Variants in PTBP3 observed in about 807,000 individuals in gnomAD.
The protein encoded by PTBP3 is polypyrimidine tract-binding protein 3.
PTBP3 carries 20 observed loss-of-function variants against 58.7 expected under a neutral mutation model. The observed-to-expected ratio is 0.34, with a 90% CI of 0.24 to 0.50. The LOEUF is 0.50. Ranked by LOEUF, PTBP3 falls within the 20% of genes least tolerant of loss-of-function variation. PTBP3 has a pLI of 0.98. For synonymous variants in PTBP3, 185 were observed against 219.8 expected, an observed-to-expected ratio of 0.84 and a Z score of 1.40; for missense variants, 509 against 637.2, an observed-to-expected ratio of 0.80 and a Z score of 2.17.
At chr9:112,281,250 C>T (rs186514322) in intron 2 of PTBP3, 158 of 207,134 alleles carry the variant, frequency 7.6e-4, no homozygotes, top group African/African-American at 3.4e-3. Context: ...CTGAATCTCT[C>T]CATTCTTTCC....
intron 1 of PTBP3, among the ~76,000 whole-genome samples, chr9:112,321,948 A>C (rs113779149): frequency 6.6e-6 from 1 of 152,088 alleles, no homozygotes; most frequent in South Asian, 2.1e-4. Flanking sequence ...ATCCTGGCCA[A>C]CATGGTGAAA....
chr9:112,375,361 A>G, the PTBP3 span, among the ~76,000 whole-genome samples: 1 of 152,204 alleles, frequency 6.6e-6, no homozygotes, highest in Admixed American at 6.5e-5. Flanking sequence ...TTCCATGCAA[A>G]GTGCACATCC....
chr9:112,235,523 T>C (rs1476732978), intron 7 of PTBP3, among the ~76,000 whole-genome samples: 4 of 152,164 alleles, frequency 2.6e-5, no homozygotes, highest in Non-Finnish European at 5.9e-5. Flanking sequence ...GTTGACTGTA[T>C]ATCATCAACA....
At chr9:112,238,356 G>A (rs1017281369) in intron 7 of PTBP3, among the ~76,000 whole-genome samples, 1 of 152,124 alleles carries the variant, frequency 6.6e-6, no homozygotes, top group African/African-American at 2.4e-5. Context: ...GCTGAAGAGC[G>A]TCATCAGTGA....
intron 7 of PTBP3, among the ~76,000 whole-genome samples, chr9:112,235,660 C>G (rs1480104072): frequency 6.6e-6 from 1 of 152,098 alleles, no homozygotes; most frequent in Non-Finnish European, 1.5e-5. Context: ...AATAAGGGCA[C>G]AAACTCAGAT....
At chr9:112,367,962 G>T in the PTBP3 span, among the ~76,000 whole-genome samples, 1 of 152,096 alleles carries the variant, frequency 6.6e-6, no homozygotes, top group Admixed American at 6.6e-5. Context: ...CATGATTCCT[G>T]TAGGCTTTCT....
chr9:112,244,550 G>A (rs546342018), intron 7 of PTBP3, among the ~76,000 whole-genome samples: 1 of 151,938 alleles, frequency 6.6e-6, no homozygotes, highest in South Asian at 2.1e-4. Context: ...ATGGTGATGT[G>A]TGCCTGTGGT....
chr9:112,255,478 A>T (rs779779410), intron 5 of PTBP3, among the ~76,000 whole-genome samples: 1 of 152,204 alleles, frequency 6.6e-6, no homozygotes, highest in Non-Finnish European at 1.5e-5. Flanking sequence ...GAGTAACGTT[A>T]GACTTTAAAA....
the PTBP3 span, among the ~76,000 whole-genome samples, chr9:112,352,376 C>T: frequency 3.4e-4 from 52 of 152,244 alleles, no homozygotes; most frequent in African/African-American, 1.2e-3. Flanking sequence ...TCTTCTAGTG[C>T]TTATTTACTC....
chr9:112,321,650 G>A (rs1051480325), intron 1 of PTBP3, among the ~76,000 whole-genome samples: 1 of 152,112 alleles, frequency 6.6e-6, no homozygotes, highest in Non-Finnish European at 1.5e-5. Context: ...GAAGACTGCC[G>A]AATCCAGAGT....
intron 7 of PTBP3, among the ~76,000 whole-genome samples, chr9:112,236,153 T>C (rs1835430072): frequency 6.6e-6 from 1 of 151,882 alleles, no homozygotes; most frequent in South Asian, 2.1e-4. Flanking sequence ...AAAAGAATTA[T>C]TTAATATAAT....
At chr9:112,327,812 A>AC (rs1830220177) in intron 1 of PTBP3, among the ~76,000 whole-genome samples, 1 of 151,590 alleles carries the variant, frequency 6.6e-6, no homozygotes, top group Non-Finnish European at 1.5e-5. Flanking sequence ...AAAAAAAAAA[A>AC]CACTAGCAAA....
Position 112,263,086 on chromosome 9 carries a change from G to A in PTBP3, c.352-487C>T, listed in dbSNP as rs189543687. ...ATAAAATATTTTTGTTTTGGGGCAG[G>A]GGGAGGGAGCGTTGATCAGAATGCA... On this transcript the variant is annotated intron_variant, in intron 4 of 13. Transcript: ENST00000374257. Among the ~76,000 whole-genome samples, 45 of 152,242 alleles carry A rather than the reference G, an allele frequency of 3.0e-4. 1 individual carries two copies. Among genetic ancestry groups the A allele is most frequent in the Non-Finnish European group, 4.6e-4 (31 of 68,022 alleles).
At chr9:112,361,070 T>G in the PTBP3 span, among the ~76,000 whole-genome samples, 1 of 152,284 alleles carries the variant, frequency 6.6e-6, no homozygotes, top group East Asian at 1.9e-4. Context: ...CATTGGAGAA[T>G]TAAACTTCAT....
intron 3 of PTBP3, among the ~76,000 whole-genome samples, chr9:112,275,304 T>C (rs963133692): frequency 1.3e-5 from 2 of 152,044 alleles, no homozygotes; most frequent in African/African-American, 4.8e-5. Context: ...CCCGGCTAAT[T>C]TTGTATTTTT....
chr9:112,297,283 C>T lies in PTBP3; in HGVS notation c.34+549G>A, dbSNP rs375155378. ...GCAATGGCACGTTTCGGCTCCCTGC[C>T]ACCTCCGCTTCCCAGGTTCAAGCAA... On this transcript the variant is annotated intron_variant, in intron 2 of 13. Coordinates refer to ENST00000374257, the MANE Select transcript of PTBP3 (RefSeq NM_001163788.4). 1.2e-3 allele frequency among the ~76,000 whole-genome samples: 177 copies of T among 152,274 alleles called. 8 individuals are homozygous for T. The South Asian group carries it at 0.035, about 30-fold the overall frequency.
rs150582318 is a variant in PTBP3 at position 112,275,931 on chromosome 9, T to C, written c.117A>G (p.Pro39=). The C allele has an allele frequency of 3.3e-4, 525 of 1,613,652 alleles. No individual in the cohort carries two copies. The highest frequency in any genetic ancestry group is 4.3e-4 in the Non-Finnish European group (504 of 1,179,660). ...TGATCTCTGCTTCGGTGACATCACA[T>C]GGAATTTTTCGAAGATGGAGAACAC... is the stretch of plus-strand genomic sequence containing the variant. ...PSRVLHLRKI[P]CDVTEAEIIS... is the part of the protein sequence containing the mutation. The change falls in exon 3 of 14, where the codon CCA becomes CCG. Residue 39 remains proline, a synonymous_variant. Transcript: ENST00000374257.
At chr9:112,369,573 A>G in the PTBP3 span, among the ~76,000 whole-genome samples, 2 of 152,192 alleles carry the variant, frequency 1.3e-5, no homozygotes, top group Non-Finnish European at 2.9e-5. Flanking sequence ...CTGTACTCAC[A>G]TTGTATCTAG....
In PTBP3 at chr9:112,252,547, T is replaced by C; in HGVS notation, c.627+131A>G. 1.3e-5 allele frequency: 9 copies of C among 692,020 alleles called. No homozygotes were observed. In the South Asian group the frequency reaches 1.5e-4, roughly 12 times the overall value. The allele number at this position is 692,020 out of a possible 1,614,324, so 42.9% of individuals were successfully genotyped here. A position where few individuals can be genotyped will look rare whatever the true frequency, so the allele number is the denominator to read the frequency against. ...AAAAAAAACATGGAATCATACACTT[T>C]AAAACGACTAAAATGGTAAACATGT... On this transcript the variant is annotated intron_variant, in intron 6 of 13. Coordinates refer to ENST00000374257, the MANE Select transcript of PTBP3 (RefSeq NM_001163788.4).
Sources: gnomAD v4.1 joint callset for allele counts (sites outside exome capture counted in the v4.1 genomes callset) on GRCh38, gnomAD v4.1.1 for gene constraint, MANE v1.5 for transcripts, NCBI Gene and HGNC (gene_info 2026-07-23, HGNC 2026-07-21) for gene names.